The following SOBP variants were observed in gnomAD, a reference collection of about 807,000 sequenced individuals.
SOBP encodes the protein sine oculis binding protein homolog.
In SOBP, 4 loss-of-function variants were observed where a neutral mutation model predicts 53.6. That is an observed-to-expected ratio of 0.07 (90% CI 0.04 to 0.17). SOBP has a LOEUF of 0.17. Ranked by LOEUF, SOBP falls within the 10% of genes least tolerant of loss-of-function variation. The probability of loss-of-function intolerance (pLI) is 1.00; values close to 1 mark genes in which losing one functional copy is unlikely to be tolerated. For synonymous variants in SOBP, 584 were observed against 522.6 expected (o/e 1.12, Z -1.60); for missense variants, 1,088 against 1,204.7 (o/e 0.90, Z 1.43).
chr6:107,627,681 AG>A (rs1199416885), intron 5 of SOBP, among the ~76,000 whole-genome samples: 1 of 152,266 alleles, frequency 6.6e-6, no homozygotes, highest in African/African-American at 2.4e-5. Flanking sequence ...AGAACTATGT[AG>A]CAAACACCAG....
intron 4 of SOBP, among the ~76,000 whole-genome samples, chr6:107,586,608 G>T: frequency 6.6e-6 from 1 of 151,950 alleles, no homozygotes; most frequent in East Asian, 1.9e-4. Context: ...AAATGGAGGG[G>T]AATCAGTTTA....
intron 5 of SOBP, among the ~76,000 whole-genome samples, chr6:107,616,087 G>GGC (rs1266309863): frequency 6.2e-5 from 8 of 128,242 alleles, no homozygotes; most frequent in Admixed American, 6.1e-4. Context: ...AGGGGGGTGG[G>GGC]GGGGGGGCGG....
intron 5 of SOBP, among the ~76,000 whole-genome samples, chr6:107,624,591 A>G (rs1291516953): frequency 6.6e-6 from 1 of 152,234 alleles, no homozygotes; most frequent in Non-Finnish European, 1.5e-5. Flanking sequence ...GTTGACAACA[A>G]AATAGACTGC....
At chr6:107,614,934 T>C (rs1173379216) in intron 5 of SOBP, among the ~76,000 whole-genome samples, 1 of 152,260 alleles carries the variant, frequency 6.6e-6, no homozygotes, top group Non-Finnish European at 1.5e-5. Flanking sequence ...TGGGGATTTG[T>C]TTCCGTCTGG....
chr6:107,635,226 G>T lies in SOBP; in HGVS notation c.2382G>T (p.Glu794Asp), dbSNP rs761980878. Residue 794 changes from glutamate to aspartate, a missense_variant, in exon 6 of 7, where the codon GAG becomes GAT. Glu to Asp is a conservative substitution (Grantham distance 45). Coordinates refer to ENST00000317357, the MANE Select transcript of SOBP (RefSeq NM_018013.4). The surrounding 1 kb of genome is among the most constrained non-coding windows in gnomAD (Gnocchi z 4.5). ...CGGCCAAAAAGCTGATGGGCGAGGA[G>T]GCCCTGGCGGGGGGCGACAAGTCAG... Reference protein sequence around the residue: ...GEAAKKLMGEEALAGGDKSDP... With the variant: ...GEAAKKLMGEDALAGGDKSDP... The T allele has an allele frequency of 8.1e-6, 13 of 1,613,946 alleles. No individual in the cohort carries two copies. Among genetic ancestry groups the T allele is most frequent in the African/African-American group, 1.3e-5 (1 of 75,038 alleles).
chr6:107,508,093 A>G (rs1783049244), intron 3 of SOBP, among the ~76,000 whole-genome samples: 1 of 152,236 alleles, frequency 6.6e-6, no homozygotes, highest in East Asian at 1.9e-4. Context: ...ACTTATTATA[A>G]CATACTAAAG....
chr6:107,588,325 C>T (rs1475333011), intron 5 of SOBP, among the ~76,000 whole-genome samples: 2 of 152,194 alleles, frequency 1.3e-5, no homozygotes, highest in Admixed American at 6.5e-5. Context: ...TTTCCCCCTC[C>T]ACAGTCTGCA....
chr6:107,634,854 C>G lies in SOBP; in HGVS notation c.2010C>G (p.Arg670=), dbSNP rs1770936056. The G allele has an allele frequency of 7.2e-7, 1 of 1,390,796 alleles. No homozygotes were observed. The highest frequency in any genetic ancestry group is 9.4e-7 in the Non-Finnish European group (1 of 1,067,234). The allele number at this position is 1,390,796 out of a possible 1,614,324, so 86.2% of individuals were successfully genotyped here. A position where few individuals can be genotyped will look rare whatever the true frequency, so the allele number is the denominator to read the frequency against. The change falls in exon 6 of 7, where the codon CGC becomes CGG. Residue 670 remains arginine, a synonymous_variant. Transcript: ENST00000317357. This position sits in a 1 kb window ranked among gnomAD's most constrained non-coding sequence, Gnocchi z 4.5. ...CCCGGCTGCACAACGTGATCCACCG[C>G]GCGCTGCACGCGCACGTCAAGGCGG... ...HRARLHNVIH[R]ALHAHVKAER...
intron 5 of SOBP, among the ~76,000 whole-genome samples, chr6:107,600,045 A>G (rs1786120075): frequency 6.6e-6 from 1 of 152,240 alleles, no homozygotes; most frequent in African/African-American, 2.4e-5. Flanking sequence ...GTGGGACAAT[A>G]AGCTGCCTAT....
intron 4 of SOBP, among the ~76,000 whole-genome samples, chr6:107,551,790 G>C (rs2115012533): frequency 6.6e-6 from 1 of 152,316 alleles, no homozygotes; most frequent in Admixed American, 6.5e-5. Flanking sequence ...GGAGGCTGAA[G>C]CAGGTGGATC....
chr6:107,565,373 T>C (rs1326810316), intron 4 of SOBP, among the ~76,000 whole-genome samples: 4 of 152,288 alleles, frequency 2.6e-5, no homozygotes, highest in South Asian at 2.1e-4. Flanking sequence ...CAAGGTCAGA[T>C]TGCCTCAGAG....
chr6:107,491,262 C>T (rs934921059), intron 1 of SOBP, among the ~76,000 whole-genome samples: 3 of 152,204 alleles, frequency 2.0e-5, no homozygotes, highest in African/African-American at 7.2e-5. Flanking sequence ...GGGCACGGTC[C>T]TGACCGCTCT....
chr6:107,604,469 G>C (rs568566483), intron 5 of SOBP, among the ~76,000 whole-genome samples: 2 of 152,246 alleles, frequency 1.3e-5, no homozygotes, highest in South Asian at 4.1e-4. Flanking sequence ...TCCTGTTCTA[G>C]AGACCTGGCC....
At chr6:107,629,996 A>G (rs1234300068) in intron 5 of SOBP, among the ~76,000 whole-genome samples, 2 of 152,168 alleles carry the variant, frequency 1.3e-5, no homozygotes, top group Non-Finnish European at 2.9e-5. Context: ...GTCTCGCTCA[A>G]TGGCATTGCA....
At chr6:107,572,334 T>C (rs921843230) in intron 4 of SOBP, among the ~76,000 whole-genome samples, 15 of 151,114 alleles carry the variant, frequency 9.9e-5, no homozygotes, top group Middle Eastern at 3.5e-3. Context: ...GGCAGAGTTT[T>C]GCTGTATCGC....
chr6:107,602,030 A>G (rs894293011), intron 5 of SOBP, among the ~76,000 whole-genome samples: 19 of 152,218 alleles, frequency 1.2e-4, no homozygotes, highest in Non-Finnish European at 2.1e-4. Flanking sequence ...TCATGAATAC[A>G]CTACTATAAC....
At chr6:107,571,408 TCA>T (rs957770497) in intron 4 of SOBP, among the ~76,000 whole-genome samples, 1 of 152,198 alleles carries the variant, frequency 6.6e-6, no homozygotes, top group African/African-American at 2.4e-5. Flanking sequence ...TTTATCAAAT[TCA>T]GTGTAGAGCG....
At chr6:107,535,649 T>C (rs1386091419) in intron 4 of SOBP, among the ~76,000 whole-genome samples, 3 of 150,118 alleles carry the variant, frequency 2.0e-5, no homozygotes, top group African/African-American at 5.0e-5. Context: ...TTTTTTTTTT[T>C]CCAAATAGAG....
intron 4 of SOBP, among the ~76,000 whole-genome samples, chr6:107,557,681 G>A (rs73516953): frequency 0.089 from 13,459 of 152,052 alleles, 1,490 homozygotes; most frequent in African/African-American, 0.26. Context: ...ATGATACTTG[G>A]TTATTCATGA....
Sources: allele counts gnomAD v4.1 joint callset (sites outside exome capture counted in the v4.1 genomes callset), GRCh38; gene constraint gnomAD v4.1.1; non-coding constraint Gnocchi (gnomAD v3.1); transcripts MANE v1.5; gene names NCBI Gene and HGNC (gene_info 2026-07-23, HGNC 2026-07-21).